Variants in CC2D1B observed in about 807,000 individuals in gnomAD.
The protein encoded by CC2D1B is coiled-coil and C2 domain containing 1B, also known as coiled-coil and C2 domain-containing protein 1B.
Under a neutral mutation model 110.8 loss-of-function variants are expected in CC2D1B, and 92 were observed. The ratio of observed to expected loss-of-function variants is 0.83; its 90% CI spans 0.70 to 0.99. CC2D1B has a LOEUF of 0.99. CC2D1B is among the 50% of genes least tolerant of loss of function. The pLI is 0.00. For missense variants in CC2D1B, 1,136 were observed against 1,089.0 expected (o/e 1.04, Z -0.61); for synonymous variants, 406 against 429.2 (o/e 0.95, Z 0.67).
At position 52,355,798 on chromosome 1, in the gene CC2D1B, G is replaced by A. The variant is rs750480906; in HGVS notation, c.2101C>T (p.Arg701Trp). 18 of 1,613,982 alleles carry A rather than the reference G, an allele frequency of 1.1e-5. No homozygotes were observed. The highest frequency in any genetic ancestry group is 8.3e-5 in the Admixed American group (5 of 59,996). Reference protein sequence around the residue: ...NSTEMHLIIVRGMNLPAPPGV... With the variant: ...NSTEMHLIIVWGMNLPAPPGV... The stretch of plus-strand genomic sequence containing the variant: ...GGAGGGGCTGGGAGGTTCATTCCCC[G>A]GACAATGATCAGATGCATTTCTGTG... Residue 701 changes from arginine (R) to tryptophan (W), a missense_variant, in exon 19 of 25, where the codon CGG becomes TGG. Transcript: ENST00000284376.
intron 18 of CC2D1B, 151 bp downstream of exon 18, chr1:52,356,035 C>G: frequency 1.1e-6 from 1 of 870,088 alleles, no homozygotes; most frequent in Non-Finnish European, 1.9e-6. Flanking sequence ...GCGCTCTCCA[C>G]TAGCATGCAC....
Position 52,351,979 on chromosome 1 carries a change from G to A in CC2D1B, c.*1246C>T, listed in dbSNP as rs907950146. 1.3e-5 allele frequency: 2 copies of A among 151,856 alleles called. No homozygotes were observed. Among genetic ancestry groups the A allele is most frequent in the African/African-American group, 2.4e-5 (1 of 41,308 alleles). The allele number at this position is 151,856 out of a possible 1,614,324, so 9.4% of individuals were successfully genotyped here. On this transcript the variant is annotated 3_prime_UTR_variant, in exon 25 of 25. Coordinates refer to ENST00000284376, the MANE Select transcript of CC2D1B (RefSeq NM_001330585.2). ...CTCTGTGACCCACTAAAAGCTCTGC[G>A]TTTAAGGGCAGGGAAGCATGGTCCA...
intron 2 of CC2D1B, among the ~76,000 whole-genome samples, chr1:52,363,257 C>T (rs369197505): frequency 0.011 from 1,686 of 152,038 alleles, 24 homozygotes; most frequent in African/African-American, 0.037. Flanking sequence ...TAGCCGGGCG[C>T]GGTGGCGGGC....
Position 52,351,212 on chromosome 1 carries a change from G to A in CC2D1B, c.*2013C>T, listed in dbSNP as rs1048021005. ...CTTGCCTCGTCAGCCTGGAGGTTCT[G>A]TTTTGAAAGAGCAAAGCAGCAGACT... On this transcript the variant is annotated 3_prime_UTR_variant, in exon 25 of 25. Transcript: ENST00000284376. 3 of 152,226 alleles carry A rather than the reference G, an allele frequency of 2.0e-5. No individual in the cohort carries two copies. The highest frequency in any genetic ancestry group is 2.4e-5 in the African/African-American group (1 of 41,460). The allele number at this position is 152,226 out of a possible 1,614,324, so 9.4% of individuals were successfully genotyped here. A position where few individuals can be genotyped will look rare whatever the true frequency, so the allele number is the denominator to read the frequency against.
Position 52,354,841 on chromosome 1 carries a change from C to T in CC2D1B, c.2338G>A (p.Gly780Arg). ...CAGCATGACCGATAGGAGCCTCACC[C>T]TTTGTGGAAGATCTCAAACTTGATG... is the stretch of plus-strand genomic sequence containing the variant. Reference protein sequence around the residue: ...KGIKFEIFHKGSFFRSDKLVG... With the variant: ...KGIKFEIFHKRSFFRSDKLVG... Residue 780 changes from glycine (G) to arginine (R), a missense_variant and splice_region_variant, in exon 22 of 25, where the codon GGG becomes AGG. By Grantham distance (125) the Gly-to-Arg change is moderately radical. Transcript: ENST00000284376. 1 of 1,614,042 alleles carries T rather than the reference C, an allele frequency of 6.2e-7. No individual in the cohort carries two copies. The highest frequency in any genetic ancestry group is 8.5e-7 in the Non-Finnish European group (1 of 1,179,852).
At chr1:52,353,908 C>T (rs758899419) in intron 23 of CC2D1B, 3 of 357,300 alleles carry the variant, frequency 8.4e-6, no homozygotes, top group African/African-American at 2.1e-5. Context: ...TCAATCCCCA[C>T]GGCAACTTCT....
chr1:52,362,645 C>T lies in CC2D1B; in HGVS notation c.171G>A (p.Gly57=), dbSNP rs1646807726. 2 of 1,614,118 alleles carry T rather than the reference C, an allele frequency of 1.2e-6. No individual in the cohort carries two copies. Among genetic ancestry groups the T allele is most frequent in the Non-Finnish European group, 1.7e-6 (2 of 1,180,022 alleles). ...GCTTCTTGCCTGTGGTTTGTGCTTC[C>T]CCTGTGAGAGCCAGCAGCTCAGCCT... The part of the protein sequence containing the change: ...DLEAELLALT[G]EAQTTGKKPA... Residue 57 remains glycine (G), a synonymous_variant, in exon 3 of 25, where the codon GGG becomes GGA. Coordinates refer to ENST00000284376, the MANE Select transcript of CC2D1B (RefSeq NM_001330585.2).
chr1:52,356,505 A>C (rs1646655987), intron 16 of CC2D1B, 63 bp from the exon 17 acceptor site: 1 of 1,568,068 alleles, frequency 6.4e-7, no homozygotes. Flanking sequence ...GTTGGCATTC[A>C]AGGCTAGACT....
At chr1:52,355,258 C>T (rs1296535378) in intron 21 of CC2D1B, 140 bp downstream of exon 21, 2 of 879,462 alleles carry the variant, frequency 2.3e-6, no homozygotes, top group Non-Finnish European at 3.6e-6. Flanking sequence ...TCTCCAACTA[C>T]AGAAGAAGCA....
chr1:52,355,344 A>G, intron 21 of CC2D1B, 54 bp downstream of exon 21: 1 of 1,580,460 alleles, frequency 6.3e-7, no homozygotes, highest in South Asian at 1.1e-5. Context: ...TGGAAACACC[A>G]GTGCTGCCCA....
Position 52,353,199 on chromosome 1 carries a change from C to T in CC2D1B, c.*26G>A. 7.5e-7 allele frequency: 1 copy of T among 1,341,570 alleles called. No homozygotes were observed. 83.1% of individuals were successfully genotyped at this position (1,341,570 alleles called of 1,614,324 possible). A position where few individuals can be genotyped will look rare whatever the true frequency, so the allele number is the denominator to read the frequency against. On this transcript the variant is annotated 3_prime_UTR_variant, in exon 25 of 25. Transcript: ENST00000284376. ...CATCTCCTGCACAGTCGCGGCCTGA[C>T]TCCTCTCCTGGTGCTGGCCATCGGC...
rs1646746006 is a variant in CC2D1B at position 52,360,088 on chromosome 1, G to C, written c.749C>G (p.Pro250Arg). Residue 250 changes from proline (P) to arginine (R), a missense_variant, in exon 7 of 25, where the codon CCT becomes CGT. Physicochemically the swap from Pro to Arg is moderately radical, Grantham distance 103. Transcript: ENST00000284376. The stretch of plus-strand genomic sequence containing the variant: ...TCTGCAGATACCTGACTCCAAGGCA[G>C]GGGGAGCTGGAGGGTCTGTCTCAGG... ...RSPETDPPAP[P>R]ALESDNPSQP... The C allele has an allele frequency of 1.3e-6, 2 of 1,584,022 alleles. No homozygotes were observed. The highest frequency in any genetic ancestry group is 2.7e-5 in the African/African-American group (2 of 73,964).
At chr1:52,363,334 G>A (rs1409025662) in intron 2 of CC2D1B, among the ~76,000 whole-genome samples, 1 of 150,450 alleles carries the variant, frequency 6.6e-6, no homozygotes, top group East Asian at 2.0e-4. Flanking sequence ...GATGGAGCTT[G>A]CAGTGAGCCA....
chr1:52,357,878 G>A lies in CC2D1B; in HGVS notation c.1482C>T (p.Ala494=), dbSNP rs765857680. Residue 494 remains alanine, a synonymous_variant, in exon 14 of 25, where the codon GCC becomes GCT. Transcript: ENST00000284376. The part of the protein sequence containing the change: ...DEDEGEPPAQ[A]PVAKKPARPT... Reference sequence around the variant, plus strand: ...GCCGTGCAGGTTTCTTGGCCACTGGGGCCTGTGCTGGGGGCTCACCCTGCA... The same window carrying A: ...GCCGTGCAGGTTTCTTGGCCACTGGAGCCTGTGCTGGGGGCTCACCCTGCA... The A allele has an allele frequency of 8.9e-6, 14 of 1,574,876 alleles. No individual in the cohort carries two copies. Among genetic ancestry groups the A allele is most frequent in the East Asian group, 4.5e-5 (2 of 44,748 alleles).
rs1413567152 is a variant in CC2D1B, at chr1:52,360,065, T to C, written c.763+9A>G. ...GGAACTAGAACAGGATTTGGGCATC[T>C]GCAGATACCTGACTCCAAGGCAGGG... On this transcript the variant is annotated intron_variant, in intron 7 of 24. Transcript: ENST00000284376. The C allele has an allele frequency of 1.3e-6, 2 of 1,565,466 alleles. No homozygotes were observed. The highest frequency in any genetic ancestry group is 1.8e-5 in the Admixed American group (1 of 54,152).
In CC2D1B at chr1:52,359,315, G is replaced by A. The variant is rs1215663433; in HGVS notation, c.1061C>T (p.Ser354Leu). 11 of 1,613,364 alleles carry A rather than the reference G, an allele frequency of 6.8e-6. No homozygotes were observed. The highest frequency in any genetic ancestry group is 9.3e-6 in the Non-Finnish European group (11 of 1,179,856). ...TCGCTCCACGGCTGGGGGAATGACT[G>A]AGGGTGCTGTGGGAGCCTGAGAAGC... The part of the protein sequence containing the change: ...QQASQAPTAP[S>L]VIPPAVERVQ... The change falls in exon 10 of 25, where the codon TCA becomes TTA. Residue 354 changes from serine to leucine, a missense_variant. Physicochemically the swap from Ser to Leu is moderately radical, Grantham distance 145. Coordinates refer to ENST00000284376, the MANE Select transcript of CC2D1B (RefSeq NM_001330585.2).
intron 2 of CC2D1B, among the ~76,000 whole-genome samples, chr1:52,363,268 G>A (rs1018736864): frequency 7.2e-5 from 11 of 152,036 alleles, no homozygotes; most frequent in South Asian, 2.1e-4. Context: ...GGTGGCGGGC[G>A]CCTGTAGTCC....
intron 1 of CC2D1B, among the ~76,000 whole-genome samples, chr1:52,365,748 G>A (rs1293987846): frequency 6.6e-6 from 1 of 152,286 alleles, no homozygotes; most frequent in East Asian, 1.9e-4. Flanking sequence ...TCGCCACAGC[G>A]CTGGCGGGGA....
chr1:52,360,150 C>A lies in CC2D1B; in HGVS notation c.687G>T (p.Lys229Asn). 1 of 1,612,646 alleles carries A rather than the reference C, an allele frequency of 6.2e-7. No homozygotes were observed. Among genetic ancestry groups the A allele is most frequent in the African/African-American group, 1.3e-5 (1 of 74,976 alleles). ...DEIPPPVALG[K>N]RPLAPQEPAN... ...CTGGTTCCTGGGGGGCCAGGGGCCG[C>A]TTTCCTAAGGCCACTGGAGGTGGGA... The change falls in exon 7 of 25, where the codon AAG becomes AAT. Residue 229 changes from lysine to asparagine, a missense_variant. Transcript: ENST00000284376.
Sources: allele counts gnomAD v4.1 joint callset (sites outside exome capture counted in the v4.1 genomes callset), GRCh38; gene constraint gnomAD v4.1.1; transcripts MANE v1.5; gene names NCBI Gene and HGNC (gene_info 2026-07-23, HGNC 2026-07-21).